ADAMTS3: variants seen among roughly 807,000 people sequenced by gnomAD.
ADAMTS3 encodes ADAM metallopeptidase with thrombospondin type 1 motif 3, also known as A disintegrin and metalloproteinase with thrombospondin motifs 3.
In ADAMTS3, 73 loss-of-function variants were observed where a neutral mutation model predicts 129.0. The ratio of observed to expected loss-of-function variants is 0.57; its 90% confidence interval spans 0.47 to 0.69. ADAMTS3 has a LOEUF of 0.69. Among genes scored for constraint, ADAMTS3 ranks in the 30% least tolerant of loss-of-function variants. The pLI, the probability that ADAMTS3 is intolerant of heterozygous loss-of-function variation, is 0.00. For synonymous variants in ADAMTS3, 477 were observed against 510.8 expected, an observed-to-expected ratio of 0.93 and a Z score of 0.89; for missense variants, 1,457 against 1,514.5, an observed-to-expected ratio of 0.96 and a Z score of 0.63.
chr4:72,434,965 A>G (rs760572586), intron 3 of ADAMTS3, among the ~76,000 whole-genome samples: 2 of 151,860 alleles, frequency 1.3e-5, no homozygotes, highest in Non-Finnish European at 2.9e-5. Context: ...AATTAGCCAC[A>G]AGGAAATTCA....
chr4:72,312,458 T>C lies in ADAMTS3; in HGVS notation c.1754A>G (p.Asn585Ser), dbSNP rs150270324. The change falls in exon 13 of 22, where the codon AAT becomes AGT. Residue 585 changes from asparagine to serine, a missense_variant. Physicochemically the swap from Asn to Ser is conservative, Grantham distance 46. Coordinates refer to ENST00000286657, the MANE Select transcript of ADAMTS3 (RefSeq NM_014243.3). ...AACACCAGGACAATCCTGACCACCA[T>C]TGATGGGCCTAAAGAAAAGACAACA... ...TRQCNNPMPINGGQDCPGVNF... is the reference protein window; with the variant it reads ...TRQCNNPMPISGGQDCPGVNF... The C allele has an allele frequency of 0.012, 18,914 of 1,613,208 alleles. 146 individuals are homozygous for C. Among genetic ancestry groups the C allele is most frequent in the Non-Finnish European group, 0.013 (15,499 of 1,179,462 alleles).
intron 21 of ADAMTS3, among the ~76,000 whole-genome samples, chr4:72,287,481 G>A (rs977402589): frequency 2.0e-5 from 3 of 150,944 alleles, no homozygotes; most frequent in Non-Finnish European, 4.4e-5. Context: ...GAGAAAGGGA[G>A]ACAGACACAT....
At chr4:72,438,409 ATAAT>A (rs1403920133) in intron 3 of ADAMTS3, among the ~76,000 whole-genome samples, 2 of 151,812 alleles carry the variant, frequency 1.3e-5, no homozygotes, top group African/African-American at 4.8e-5. Context: ...TAAAACAAAA[ATAAT>A]TAGTCCATTA....
At chr4:72,481,038 T>C (rs1719421216) in intron 3 of ADAMTS3, among the ~76,000 whole-genome samples, 1 of 152,048 alleles carries the variant, frequency 6.6e-6, no homozygotes, top group Non-Finnish European at 1.5e-5. Flanking sequence ...TACACAATAT[T>C]GGTGAAAGAA....
chr4:72,384,794 A>C (rs78875672), intron 4 of ADAMTS3, among the ~76,000 whole-genome samples: 406 of 152,316 alleles, frequency 2.7e-3, no homozygotes, highest in African/African-American at 9.6e-3. Context: ...CAATTTCTTT[A>C]AAATATTTAC....
intron 3 of ADAMTS3, among the ~76,000 whole-genome samples, chr4:72,473,760 T>C (rs1183760657): frequency 6.6e-6 from 1 of 152,172 alleles, no homozygotes; most frequent in Non-Finnish European, 1.5e-5. Flanking sequence ...AGTGGGACCA[T>C]ATGAAAAACC....
intron 3 of ADAMTS3, among the ~76,000 whole-genome samples, chr4:72,483,879 G>A (rs1181964146): frequency 1.3e-5 from 2 of 151,952 alleles, no homozygotes; most frequent in African/African-American, 2.4e-5. Flanking sequence ...TTAGCCAGGC[G>A]TGGTGGCAGG....
At chr4:72,484,045 T>C (rs938583048) in intron 3 of ADAMTS3, among the ~76,000 whole-genome samples, 5 of 151,820 alleles carry the variant, frequency 3.3e-5, no homozygotes, top group African/African-American at 9.7e-5. Flanking sequence ...AAAAAAAAGA[T>C]AGCATTTGTT....
At chr4:72,452,167 C>G (rs1718424710) in intron 3 of ADAMTS3, among the ~76,000 whole-genome samples, 1 of 151,648 alleles carries the variant, frequency 6.6e-6, no homozygotes, top group Admixed American at 6.6e-5. Flanking sequence ...TTTATAAAAA[C>G]AGAATCTGAA....
intron 4 of ADAMTS3, among the ~76,000 whole-genome samples, chr4:72,382,375 A>T (rs760766141): frequency 9.9e-5 from 15 of 151,776 alleles, no homozygotes; most frequent in Non-Finnish European, 2.2e-4. Context: ...TCCTCCCATA[A>T]CTCTATGATA....
chr4:72,443,457 A>G (rs1300904121), intron 3 of ADAMTS3, among the ~76,000 whole-genome samples: 1 of 151,720 alleles, frequency 6.6e-6, no homozygotes, highest in Non-Finnish European at 1.5e-5. Flanking sequence ...CTGCACCTAG[A>G]CAATTACCTG....
At chr4:72,434,853 G>T (rs187687999) in intron 3 of ADAMTS3, among the ~76,000 whole-genome samples, 1 of 151,968 alleles carries the variant, frequency 6.6e-6, no homozygotes, top group Admixed American at 6.6e-5. Flanking sequence ...TGGCCAGGCA[G>T]TGAGCCGTCT....
At chr4:72,456,835 A>G (rs1212562728) in intron 3 of ADAMTS3, among the ~76,000 whole-genome samples, 1 of 151,556 alleles carries the variant, frequency 6.6e-6, no homozygotes, top group Non-Finnish European at 1.5e-5. Flanking sequence ...TTTTAAACAG[A>G]GCACTCCCTA....
chr4:72,332,298 G>A (rs761627181), intron 5 of ADAMTS3, among the ~76,000 whole-genome samples: 4 of 152,188 alleles, frequency 2.6e-5, no homozygotes, highest in Admixed American at 6.5e-5. Context: ...TATATTTGCT[G>A]CTAACTCTTG....
At chr4:72,504,787 T>C (rs1338459498) in intron 3 of ADAMTS3, among the ~76,000 whole-genome samples, 1 of 152,190 alleles carries the variant, frequency 6.6e-6, no homozygotes, top group Non-Finnish European at 1.5e-5. Flanking sequence ...TCTTTATTGT[T>C]AACTCACTGG....
At chr4:72,318,821 C>A in intron 9 of ADAMTS3, 117 bp from the exon 10 acceptor site, 2 of 1,071,598 alleles carry the variant, frequency 1.9e-6, no homozygotes, top group Non-Finnish European at 2.6e-6. Flanking sequence ...GATCATACAG[C>A]AAATTTGCAA....
At chr4:72,488,266 C>T (rs1340618773) in intron 3 of ADAMTS3, among the ~76,000 whole-genome samples, 1 of 151,636 alleles carries the variant, frequency 6.6e-6, no homozygotes, top group Non-Finnish European at 1.5e-5. Flanking sequence ...TCCCTTGGAC[C>T]CTGAAATTGC....
chr4:72,444,143 C>T (rs1008411588), intron 3 of ADAMTS3, among the ~76,000 whole-genome samples: 18 of 151,706 alleles, frequency 1.2e-4, no homozygotes, highest in South Asian at 2.1e-4. Flanking sequence ...TGCTTCTAAG[C>T]ACTTCCCTTC....
Position 72,497,553 on chromosome 4 carries a change from T to C in ADAMTS3, c.504+50925A>G, listed in dbSNP as rs192262217. Among the ~76,000 whole-genome samples the C allele has an allele frequency of 2.8e-4, 43 of 151,644 alleles. No homozygotes were observed. In the East Asian group the frequency reaches 8.1e-3, roughly 29 times the overall value. ...AAATATTTTATCAAAACATAGCCCA[T>C]AAAATTATTAACCCAGAAGAATATC... On this transcript the variant is annotated intron_variant, in intron 3 of 21. Coordinates refer to ENST00000286657, the MANE Select transcript of ADAMTS3 (RefSeq NM_014243.3).
Sources: allele counts gnomAD v4.1 joint callset (sites outside exome capture counted in the v4.1 genomes callset), GRCh38; gene constraint gnomAD v4.1.1; transcripts MANE v1.5; gene names NCBI Gene and HGNC (gene_info 2026-07-23, HGNC 2026-07-21).